AKR1C3: variants seen among roughly 807,000 people sequenced by gnomAD.
The protein encoded by AKR1C3 is aldo-keto reductase family 1 member C3, also known as 3-alpha hydroxysteroid dehydrogenase, type II.
A neutral mutation model predicts 43.6 loss-of-function variants in AKR1C3; 48 were observed. The observed-to-expected ratio is 1.10, with a 90% CI of 0.87 to 1.40. The LOEUF (loss-of-function observed/expected upper bound fraction) is 1.40. Ranked by LOEUF, AKR1C3 falls within the 40% of genes most tolerant of loss-of-function variation. The pLI, the probability that AKR1C3 is intolerant of heterozygous loss-of-function variation, is 0.00. For synonymous variants in AKR1C3, 162 were observed against 139.6 expected (o/e 1.16, Z -1.13); for missense variants, 482 against 391.2 (o/e 1.23, Z -1.96).
At chr10:5,100,534 G>C (rs1226142755) in intron 5 of AKR1C3, among the ~76,000 whole-genome samples, 1 of 151,996 alleles carries the variant, frequency 6.6e-6, no homozygotes, top group Non-Finnish European at 1.5e-5. Flanking sequence ...ATGATTCCAG[G>C]CCTCCTTGAT....
rs188468708 is a variant in AKR1C3, at chr10:5,060,166, G to A, written c.84+11271G>A. ...GTGTTACAGCTCATAAAGGCAGTGT[G>A]GACCCAAAGAGTGAGCAGTAGCAAG... is the stretch of plus-strand genomic sequence containing the variant. On this transcript the variant is annotated intron_variant, in intron 1 of 8. Transcript: ENST00000439082. 3.8e-4 allele frequency among the ~76,000 whole-genome samples: 58 copies of A among 152,280 alleles called. 1 individual carries two copies. In the East Asian group the frequency reaches 0.011, roughly 28 times the overall value.
At chr10:5,105,789 G>T (rs781828669) in intron 8 of AKR1C3, 112 bp downstream of exon 8, 26 of 793,666 alleles carry the variant, frequency 3.3e-5, no homozygotes, top group Non-Finnish European at 4.6e-5. Context: ...TGAGTCAGAG[G>T]TGAGACTGGA....
intron 1 of AKR1C3, among the ~76,000 whole-genome samples, chr10:5,079,994 G>C (rs1838797974): frequency 6.6e-6 from 1 of 152,184 alleles, no homozygotes; most frequent in Non-Finnish European, 1.5e-5. Flanking sequence ...TAATGAATCA[G>C]AGTCAGGGAA....
intron 1 of AKR1C3, among the ~76,000 whole-genome samples, chr10:5,082,585 G>T (rs1838861547): frequency 6.6e-6 from 1 of 152,092 alleles, no homozygotes; most frequent in South Asian, 2.1e-4. Flanking sequence ...GTGAATCGTG[G>T]TGTAATCATG....
rs576403408 is a variant in AKR1C3 at position 5,084,664 on chromosome 10, G to T, written c.85-11746G>T. 7.8e-4 allele frequency among the ~76,000 whole-genome samples: 118 copies of T among 152,094 alleles called. 1 individual carries two copies. The highest frequency in any genetic ancestry group is 2.8e-3 in the African/African-American group (116 of 41,478). ...TGGCATTGAATCTATAAATTACCTT[G>T]GGCAGTATGGCCATTTTCATGATAT... is the stretch of plus-strand genomic sequence containing the variant. On this transcript the variant is annotated intron_variant, in intron 1 of 8. Transcript: ENST00000439082.
At chr10:5,094,770 C>T (rs1190037126) in intron 1 of AKR1C3, among the ~76,000 whole-genome samples, 1 of 152,062 alleles carries the variant, frequency 6.6e-6, no homozygotes, top group Non-Finnish European at 1.5e-5. Context: ...GTCTAGTTCC[C>T]AGCTTGGCAG....
At chr10:5,098,691 A>C in intron 3 of AKR1C3, 111 bp from the exon 4 acceptor site, 2 of 816,222 alleles carry the variant, frequency 2.5e-6, no homozygotes, top group Non-Finnish European at 4.1e-6. Context: ...TTTCTGGAGC[A>C]TTGTACCACC....
chr10:5,074,180 CAT>C (rs1396073174), intron 1 of AKR1C3, among the ~76,000 whole-genome samples: 1 of 152,166 alleles, frequency 6.6e-6, no homozygotes, highest in Non-Finnish European at 1.5e-5. Flanking sequence ...ATTGATGTCT[CAT>C]GTCTCCCTAA....
chr10:5,061,673 A>T (rs1472946294), intron 1 of AKR1C3, among the ~76,000 whole-genome samples: 1 of 152,204 alleles, frequency 6.6e-6, no homozygotes, highest in African/African-American at 2.4e-5. Flanking sequence ...CTGATGCCCA[A>T]TTACAGTATT....
chr10:5,097,616 A>G, intron 3 of AKR1C3, 66 bp downstream of exon 3: 1 of 1,608,312 alleles, frequency 6.2e-7, no homozygotes, highest in South Asian at 1.1e-5. Flanking sequence ...TTATCTGGAT[A>G]GTTGAACAGA....
intron 1 of AKR1C3, among the ~76,000 whole-genome samples, chr10:5,060,761 A>G (rs115641157): frequency 0.022 from 3,120 of 145,076 alleles, 108 homozygotes; most frequent in African/African-American, 0.077. Flanking sequence ...GGGGAGGCTC[A>G]GGCTGCACAG....
Position 5,085,473 on chromosome 10 carries a change from T to A in AKR1C3, c.85-10937T>A, listed in dbSNP as rs189207057. 7.0e-4 allele frequency among the ~76,000 whole-genome samples: 107 copies of A among 151,984 alleles called. 4 individuals are homozygous for A. The highest frequency in any genetic ancestry group is 2.3e-3 in the African/African-American group (97 of 41,280). ...CTTTTTGATGTGCTGCTGGATTCGGTTTGCCAGTATTTTATTGAGGATTTT... is the reference window on the plus strand; with the variant it reads ...CTTTTTGATGTGCTGCTGGATTCGGATTGCCAGTATTTTATTGAGGATTTT... On this transcript the variant is annotated intron_variant, in intron 1 of 8. Transcript: ENST00000439082.
intron 1 of AKR1C3, among the ~76,000 whole-genome samples, chr10:5,082,590 AT>A (rs1458939748): frequency 2.0e-5 from 3 of 151,972 alleles, no homozygotes; most frequent in Non-Finnish European, 4.4e-5. Context: ...TCGTGGTGTA[AT>A]CATGTTCAGT....
intron 1 of AKR1C3, among the ~76,000 whole-genome samples, chr10:5,071,548 T>C (rs578091331): frequency 1.1e-4 from 16 of 152,336 alleles, no homozygotes; most frequent in African/African-American, 3.8e-4. Context: ...CAGGCTCCTC[T>C]GAGTCTCTTT....
intron 1 of AKR1C3, among the ~76,000 whole-genome samples, chr10:5,056,829 G>A (rs1425432785): frequency 2.0e-5 from 3 of 152,218 alleles, no homozygotes; most frequent in Non-Finnish European, 2.9e-5. Context: ...TGTGAAAAGA[G>A]CAAAGTCTCC....
intron 1 of AKR1C3, among the ~76,000 whole-genome samples, chr10:5,067,943 T>G (rs1838543403): frequency 6.6e-6 from 1 of 152,168 alleles, no homozygotes; most frequent in Non-Finnish European, 1.5e-5. Context: ...ACCAGTTGAT[T>G]CTCCAAATTA....
At chr10:5,097,357 A>G (rs1554785285) in intron 2 of AKR1C3, 77 bp from the exon 3 acceptor site, 4 of 1,530,148 alleles carry the variant, frequency 2.6e-6, no homozygotes, top group African/African-American at 2.8e-5. Context: ...GAAAATATCT[A>G]AATACTAGAT....
chr10:5,062,890 T>G (rs1483798364), intron 1 of AKR1C3, among the ~76,000 whole-genome samples: 5 of 150,834 alleles, frequency 3.3e-5, no homozygotes, highest in Admixed American at 3.3e-4. Flanking sequence ...ACAAAAAAAC[T>G]TGTAATTTCT....
intron 1 of AKR1C3, among the ~76,000 whole-genome samples, chr10:5,064,929 A>AG (rs1554780637): frequency 6.6e-6 from 1 of 151,298 alleles, no homozygotes. Context: ...AGCAAAAAAA[A>AG]AAAATTAAAA....
Sources: allele counts gnomAD v4.1 joint callset (sites outside exome capture counted in the v4.1 genomes callset), GRCh38; gene constraint gnomAD v4.1.1; transcripts MANE v1.5; gene names NCBI Gene and HGNC (gene_info 2026-07-23, HGNC 2026-07-21).